The following ETFB variants were observed in gnomAD, a reference collection of about 807,000 sequenced individuals.
ETFB encodes beta-ETF.
ETFB carries 20 observed loss-of-function variants against 25.6 expected under a neutral mutation model. That is an observed-to-expected ratio of 0.78 (90% CI 0.55 to 1.14). ETFB has a LOEUF of 1.14. Ranked by LOEUF, ETFB falls within the 50% of genes most tolerant of loss-of-function variation. The probability of loss-of-function intolerance (pLI) is 0.00; values close to 1 mark genes in which losing one functional copy is unlikely to be tolerated. For synonymous variants in ETFB, 142 were observed against 146.7 expected, an observed-to-expected ratio of 0.97 and a Z score of 0.23; for missense variants, 286 against 342.6, an observed-to-expected ratio of 0.83 and a Z score of 1.30.
chr19:51,355,024 G>C (rs966478468), intron 1 of ETFB: 2 of 249,704 alleles, frequency 8.0e-6, no homozygotes, highest in Non-Finnish European at 1.6e-5. Context: ...ATAGATAACG[G>C]AGAGTTATGC....
intron 1 of ETFB, chr19:51,354,574 C>T (rs1437158164): frequency 3.7e-6 from 6 of 1,614,104 alleles, no homozygotes; most frequent in Non-Finnish European, 5.1e-6. Flanking sequence ...CACTGCTCCT[C>T]TCAGGCCTGA....
intron 3 of ETFB, 23 bp downstream of exon 3, chr19:51,353,109 C>T (rs1167370160): frequency 6.2e-7 from 1 of 1,613,538 alleles, no homozygotes; most frequent in Non-Finnish European, 8.5e-7. Flanking sequence ...CAAGGGGGCA[C>T]AGGGAGGGCT....
chr19:51,359,376 A>C (rs1001328507), intron 1 of ETFB, among the ~76,000 whole-genome samples: 2 of 151,842 alleles, frequency 1.3e-5, no homozygotes, highest in African/African-American at 4.8e-5. Flanking sequence ...TAAAAAAAAA[A>C]ACACAACATA....
At chr19:51,361,878 T>C (rs1212116350) in intron 1 of ETFB, 2 of 152,034 alleles carry the variant, frequency 1.3e-5, no homozygotes, top group Non-Finnish European at 2.9e-5. Flanking sequence ...CTAATTTTTG[T>C]ATTTTTAGTA....
intron 3 of ETFB, among the ~76,000 whole-genome samples, chr19:51,351,928 C>A (rs1308780662): frequency 1.3e-5 from 2 of 152,014 alleles, no homozygotes; most frequent in Non-Finnish European, 1.5e-5. Context: ...TCAGCCTCAT[C>A]CCTAATTCCC....
At position 51,346,929 on chromosome 19, in the gene ETFB, G is replaced by A; in HGVS notation, c.568C>T (p.Pro190Ser). 6.4e-7 allele frequency: 1 copy of A among 1,570,206 alleles called. No individual in the cohort carries two copies. Among genetic ancestry groups the A allele is most frequent in the East Asian group, 2.4e-5 (1 of 42,270 alleles). Residue 190 changes from proline (P) to serine (S), a missense_variant, in exon 5 of 6, where the codon CCC becomes TCC. Transcript: ENST00000309244. ...ATGTTGGGCAGCGTGGCGTAGCGGG[G>A]CTCGTTGAGCCTCAGGTCAGCTGTC... ...VVTADLRLNE[P>S]RYATLPNIMK... is the part of the protein sequence containing the mutation.
intron 1 of ETFB, among the ~76,000 whole-genome samples, chr19:51,362,371 A>T (rs1293746780): frequency 6.6e-6 from 1 of 152,000 alleles, no homozygotes; most frequent in East Asian, 1.9e-4. Flanking sequence ...TGAGGTCAGG[A>T]GGTCTAGACC....
chr19:51,358,591 G>A (rs928192881), intron 1 of ETFB, among the ~76,000 whole-genome samples: 7 of 152,150 alleles, frequency 4.6e-5, no homozygotes, highest in Admixed American at 6.5e-5. Context: ...CTGAGGTCAA[G>A]AGTTCAAGAC....
chr19:51,354,403 A>AC (rs1331066474), intron 1 of ETFB, 95 bp from the exon 2 acceptor site: 1 of 1,614,018 alleles, frequency 6.2e-7, no homozygotes, highest in Non-Finnish European at 8.5e-7. Context: ...GATGAGGACA[A>AC]CGACAGCCTG....
At chr19:51,349,648 T>C (rs1422246207) in intron 4 of ETFB, among the ~76,000 whole-genome samples, 1 of 151,958 alleles carries the variant, frequency 6.6e-6, no homozygotes, top group East Asian at 1.9e-4. Context: ...TCTAACTATG[T>C]TGCCAAGGCT....
chr19:51,366,305 C>A lies in ETFB; in HGVS notation c.22G>T (p.Val8Leu), dbSNP rs531136177. The change falls in exon 1 of 6, where the codon GTA becomes TTA. Residue 8 changes from valine (V) to leucine (L), a missense_variant. Val to Leu is a conservative substitution (Grantham distance 32). Transcript: ENST00000309244. MAELRVL[V>L]AVKRVIDYAV... ...TAGTCGATGACCCTCTTGACAGCTA[C>A]GAGCACGCGCAGCTCCGCCATCTTC... 9 of 1,613,390 alleles carry A rather than the reference C, an allele frequency of 5.6e-6. No homozygotes were observed. Among genetic ancestry groups the A allele is most frequent in the East Asian group, 4.5e-5 (2 of 44,888 alleles).
intron 5 of ETFB, chr19:51,346,378 T>G (rs1337752987): frequency 6.0e-6 from 1 of 166,432 alleles, no homozygotes; most frequent in Non-Finnish European, 1.3e-5. Flanking sequence ...CCCTGTTGGC[T>G]GAGATGAATA....
chr19:51,356,387 T>C (rs1986080319), intron 1 of ETFB: 1 of 152,168 alleles, frequency 6.6e-6, no homozygotes, highest in East Asian at 1.9e-4. Flanking sequence ...ACACACACCA[T>C]ACTCTGACAT....
intron 5 of ETFB, chr19:51,346,192 T>G (rs1391109985): frequency 2.1e-4 from 28 of 131,418 alleles, no homozygotes; most frequent in Admixed American, 2.1e-3. Flanking sequence ...CCCTATAGAC[T>G]GAGATGATGC....
Position 51,366,348 on chromosome 19 carries a change from A to T in ETFB, c.-22T>A. On this transcript the variant is annotated 5_prime_UTR_variant, in exon 1 of 6. Coordinates refer to ENST00000309244, the MANE Select transcript of ETFB (RefSeq NM_001985.3). ...CCATCTTCCCGCCGCAGCCACTTAC[A>T]GGGTCAGCCCGCACCCTCAGCGGCT... 1 of 1,611,468 alleles carries T rather than the reference A, an allele frequency of 6.2e-7. No homozygotes were observed. Among genetic ancestry groups the T allele is most frequent in the Non-Finnish European group, 8.5e-7 (1 of 1,179,540 alleles).
At chr19:51,348,767 A>G (rs1260670924) in intron 4 of ETFB, among the ~76,000 whole-genome samples, 2 of 152,216 alleles carry the variant, frequency 1.3e-5, no homozygotes, top group African/African-American at 2.4e-5. Flanking sequence ...CAGTTACTAG[A>G]AAACTTTTAA....
chr19:51,352,547 C>T (rs1985954703), intron 3 of ETFB, among the ~76,000 whole-genome samples: 1 of 152,128 alleles, frequency 6.6e-6, no homozygotes, highest in South Asian at 2.1e-4. Context: ...TGGCTGAGGC[C>T]TCATTCTCCC....
intron 5 of ETFB, chr19:51,346,652 C>T (rs1985790081): frequency 3.9e-6 from 2 of 511,236 alleles, no homozygotes; most frequent in South Asian, 2.5e-5. Context: ...TGCTGCCCAG[C>T]GAAGGCTTTC....
chr19:51,354,722 AG>A, intron 1 of ETFB: 2 of 1,527,562 alleles, frequency 1.3e-6, no homozygotes. Context: ...AAAACCAGTT[AG>A]GTAGACAGTT....
Sources: gnomAD v4.1 joint callset for allele counts (sites outside exome capture counted in the v4.1 genomes callset) on GRCh38, gnomAD v4.1.1 for gene constraint, MANE v1.5 for transcripts, NCBI Gene and HGNC (gene_info 2026-07-23, HGNC 2026-07-21) for gene names.